Variants in VEPH1 observed in about 807,000 individuals in gnomAD.
The protein encoded by VEPH1 is ventricular zone expressed PH domain containing 1.
In VEPH1, 80 loss-of-function variants were observed where a neutral mutation model predicts 85.2. The ratio of observed to expected loss-of-function variants is 0.94; its 90% CI spans 0.78 to 1.13. The LOEUF is 1.13. Ranked by LOEUF, VEPH1 falls within the 50% of genes most tolerant of loss-of-function variation. VEPH1 has a pLI of 0.00. For missense variants in VEPH1, 955 were observed against 980.5 expected, an observed-to-expected ratio of 0.97 and a Z score of 0.35; for synonymous variants, 297 against 348.0, an observed-to-expected ratio of 0.85 and a Z score of 1.63.
intron 11 of VEPH1, 32 bp downstream of exon 11, chr3:157,313,589 C>T (rs769937199): frequency 6.2e-7 from 1 of 1,608,922 alleles, no homozygotes; most frequent in South Asian, 1.1e-5. Flanking sequence ...TAAATCTTGG[C>T]CTGTAACATG....
chr3:157,360,362 A>G (rs16827528), intron 9 of VEPH1, among the ~76,000 whole-genome samples: 1 of 152,046 alleles, frequency 6.6e-6, no homozygotes, highest in Non-Finnish European at 1.5e-5. Flanking sequence ...CCAAAATGTC[A>G]ACTAAAAAAA....
At chr3:157,403,819 G>A (rs540950381) in intron 6 of VEPH1, among the ~76,000 whole-genome samples, 36 of 152,264 alleles carry the variant, frequency 2.4e-4, no homozygotes, top group Non-Finnish European at 3.7e-4. Flanking sequence ...GCATCAAGCA[G>A]GTAGTATATA....
At chr3:157,477,187 G>A (rs1466385041) in intron 2 of VEPH1, among the ~76,000 whole-genome samples, 1 of 145,358 alleles carries the variant, frequency 6.9e-6, no homozygotes, top group East Asian at 2.0e-4. Context: ...AGGCTCTGAG[G>A]GCATTTTTTT....
chr3:157,446,598 T>A (rs989729351), intron 4 of VEPH1, among the ~76,000 whole-genome samples: 2 of 152,238 alleles, frequency 1.3e-5, no homozygotes, highest in Non-Finnish European at 2.9e-5. Flanking sequence ...TTTATTTCAT[T>A]TCCTGTCAAA....
intron 2 of VEPH1, among the ~76,000 whole-genome samples, chr3:157,477,631 A>C (rs186207789): frequency 1.3e-5 from 2 of 152,282 alleles, no homozygotes; most frequent in East Asian, 3.9e-4. Flanking sequence ...AGCATTCATC[A>C]CAAAAGAGGC....
Position 157,406,555 on chromosome 3 carries a change from T to C in VEPH1, c.906+7326A>G, listed in dbSNP as rs563546221. On this transcript the variant is annotated intron_variant, in intron 6 of 13. Coordinates refer to ENST00000362010, the MANE Select transcript of VEPH1 (RefSeq NM_001167912.2). ...TCCATGACTCTGAGCCCAGAGAGGA[T>C]GTAATGAACACGCCCTGGTGCTTGG... is the stretch of plus-strand genomic sequence containing the variant. Among the ~76,000 whole-genome samples, 123 of 151,890 alleles carry C rather than the reference T, an allele frequency of 8.1e-4. 1 individual carries two copies. The highest frequency in any genetic ancestry group is 2.9e-3 in the African/African-American group (118 of 41,348).
chr3:157,373,077 TCA>T (rs1413200931), intron 7 of VEPH1, among the ~76,000 whole-genome samples: 1 of 152,202 alleles, frequency 6.6e-6, no homozygotes, highest in Non-Finnish European at 1.5e-5. Flanking sequence ...GAATTGCTTC[TCA>T]CACAATCAAG....
intron 2 of VEPH1, among the ~76,000 whole-genome samples, chr3:157,479,030 C>CA (rs569504317): frequency 3.3e-5 from 5 of 151,380 alleles, no homozygotes; most frequent in Admixed American, 1.3e-4. Context: ...TTCAAAAAGA[C>CA]AAAAAAAAAT....
chr3:157,414,204 C>G (rs1731730593), intron 5 of VEPH1, 114 bp from the exon 6 acceptor site: 2 of 728,184 alleles, frequency 2.7e-6, no homozygotes, highest in Admixed American at 2.5e-5. Flanking sequence ...GAACTCAACA[C>G]ATTCTGGGAT....
At chr3:157,335,682 G>A (rs1309208030) in intron 9 of VEPH1, among the ~76,000 whole-genome samples, 1 of 152,094 alleles carries the variant, frequency 6.6e-6, no homozygotes, top group Non-Finnish European at 1.5e-5. Flanking sequence ...AGTACAAAAA[G>A]TGTCCATCTC....
intron 12 of VEPH1, among the ~76,000 whole-genome samples, chr3:157,267,370 T>G (rs1577188083): frequency 1.3e-5 from 2 of 151,376 alleles, no homozygotes; most frequent in South Asian, 4.2e-4. Context: ...GTGCTGGGAT[T>G]ACAGGTGTGA....
intron 12 of VEPH1, among the ~76,000 whole-genome samples, chr3:157,276,535 T>C (rs1480743916): frequency 6.6e-6 from 1 of 152,206 alleles, no homozygotes; most frequent in Non-Finnish European, 1.5e-5. Flanking sequence ...TAATAGGTTA[T>C]ATGATATACG....
chr3:157,295,381 A>G (rs928090191), intron 11 of VEPH1, among the ~76,000 whole-genome samples: 5 of 152,046 alleles, frequency 3.3e-5, no homozygotes, highest in Non-Finnish European at 7.4e-5. Flanking sequence ...GCAGTGAGCT[A>G]TGATGGCACC....
chr3:157,287,164 G>T (rs1716884670), intron 11 of VEPH1, among the ~76,000 whole-genome samples: 1 of 152,130 alleles, frequency 6.6e-6, no homozygotes, highest in Non-Finnish European at 1.5e-5. Flanking sequence ...CCTGAACTCA[G>T]GAGTTCAAGA....
chr3:157,464,808 G>C (rs1395449880), intron 3 of VEPH1, among the ~76,000 whole-genome samples: 1 of 152,102 alleles, frequency 6.6e-6, no homozygotes, highest in Non-Finnish European at 1.5e-5. Context: ...TTGGCTCTTA[G>C]GCCTTGAATT....
Position 157,299,559 on chromosome 3 carries a change from CAAAAAAAAAAA to C in VEPH1, c.2011-12896_2011-12886del, listed in dbSNP as rs10535235. On this transcript the variant is annotated intron_variant, in intron 11 of 13. Coordinates refer to ENST00000362010, the MANE Select transcript of VEPH1 (RefSeq NM_001167912.2). ...TGGGCAATAGAGTGAGGCCCTGTCT[CAAAAAAAAAAA>C]AAAAAAAAAAGAAAGAAAGAAAGAA... is the stretch of plus-strand genomic sequence containing the variant. 8.5e-4 allele frequency among the ~76,000 whole-genome samples: 88 copies of C among 103,102 alleles called. 1 individual carries two copies. The East Asian group carries it at 0.018, about 21-fold the overall frequency. 67.6% of individuals were successfully genotyped at this position (103,102 alleles called of 152,430 possible).
At chr3:157,282,289 T>A (rs76866061) in intron 12 of VEPH1, among the ~76,000 whole-genome samples, 206 of 152,094 alleles carry the variant, frequency 1.4e-3, no homozygotes, top group African/African-American at 4.5e-3. Flanking sequence ...CACCACAGCT[T>A]CAAACTCCTG....
chr3:157,278,011 A>T (rs1715615808), intron 12 of VEPH1, among the ~76,000 whole-genome samples: 1 of 152,172 alleles, frequency 6.6e-6, no homozygotes, highest in South Asian at 2.1e-4. Flanking sequence ...CCATTCGTTT[A>T]TTGGTACATA....
chr3:157,499,473 T>A (rs983209466), intron 1 of VEPH1: 5 of 152,138 alleles, frequency 3.3e-5, no homozygotes, highest in African/African-American at 1.2e-4. Flanking sequence ...TCAGGCAGGC[T>A]CCGAGGGCAC....
Sources: allele counts gnomAD v4.1 joint callset (sites outside exome capture counted in the v4.1 genomes callset), GRCh38; gene constraint gnomAD v4.1.1; transcripts MANE v1.5; gene names NCBI Gene and HGNC (gene_info 2026-07-23, HGNC 2026-07-21).